Variants in SRPK2 observed in about 807,000 individuals in gnomAD.
SRPK2 encodes SRSF protein kinase 2, also known as SFRS protein kinase 2.
A neutral mutation model predicts 90.8 loss-of-function variants in SRPK2; 21 were observed. That is an observed-to-expected ratio of 0.23 (90% CI 0.16 to 0.33). SRPK2 has a LOEUF of 0.33. Among genes scored for constraint, SRPK2 ranks in the 10% least tolerant of loss-of-function variants. SRPK2 has a pLI of 1.00. For synonymous variants in SRPK2, 288 were observed against 311.1 expected (o/e 0.93, Z 0.78); for missense variants, 620 against 869.0 (o/e 0.71, Z 3.60).
chr7:105,229,631 A>C (rs577595002), intron 2 of SRPK2, among the ~76,000 whole-genome samples: 1 of 152,342 alleles, frequency 6.6e-6, no homozygotes, highest in African/African-American at 2.4e-5. Context: ...CAGGAATAAA[A>C]TTCTAGAGTC....
intron 2 of SRPK2, among the ~76,000 whole-genome samples, chr7:105,232,558 T>C (rs2129620057): frequency 6.6e-6 from 1 of 151,028 alleles, no homozygotes; most frequent in Non-Finnish European, 1.5e-5. Context: ...TAGGATATTA[T>C]CATTATTCAA....
chr7:105,121,646 A>G (rs1800401494), intron 15 of SRPK2, among the ~76,000 whole-genome samples: 1 of 152,176 alleles, frequency 6.6e-6, no homozygotes, highest in African/African-American at 2.4e-5. Flanking sequence ...TTGCTCTGAG[A>G]AACAGCTTGA....
intron 2 of SRPK2, among the ~76,000 whole-genome samples, chr7:105,309,387 A>C (rs1188829229): frequency 6.6e-6 from 1 of 152,232 alleles, no homozygotes; most frequent in Non-Finnish European, 1.5e-5. Context: ...TTCATCATTA[A>C]AGTATCCTAG....
At chr7:105,270,210 C>T (rs1805640967) in intron 2 of SRPK2, among the ~76,000 whole-genome samples, 1 of 152,104 alleles carries the variant, frequency 6.6e-6, no homozygotes, top group South Asian at 2.1e-4. Flanking sequence ...GCAGAATCTA[C>T]CACAGGGTGT....
At chr7:105,293,684 G>A (rs565761598) in intron 2 of SRPK2, among the ~76,000 whole-genome samples, 2 of 152,072 alleles carry the variant, frequency 1.3e-5, no homozygotes, top group South Asian at 4.2e-4. Flanking sequence ...CCTCCCAAAG[G>A]GTTGGGATTA....
Position 105,233,827 on chromosome 7 carries a change from C to T in SRPK2, c.72-30042G>A, listed in dbSNP as rs375141107. ...GTGAGCCAATGCACTCCAGCAGCCT[C>T]GGCGACACAGCAAGACTCCGTCTCA... On this transcript the variant is annotated intron_variant, in intron 2 of 15. Transcript: ENST00000393651. Among the ~76,000 whole-genome samples the T allele has an allele frequency of 5.2e-4, 79 of 151,758 alleles. No individual in the cohort carries two copies. The East Asian group carries it at 0.01, about 20-fold the overall frequency.
At chr7:105,279,216 G>A (rs1806939638) in intron 2 of SRPK2, among the ~76,000 whole-genome samples, 1 of 152,062 alleles carries the variant, frequency 6.6e-6, no homozygotes, top group Non-Finnish European at 1.5e-5. Context: ...GGCGGGGGGA[G>A]GAGGGAGCGG....
intron 2 of SRPK2, among the ~76,000 whole-genome samples, chr7:105,276,613 C>G (rs1470392040): frequency 2.0e-5 from 3 of 151,734 alleles, no homozygotes; most frequent in African/African-American, 7.3e-5. Context: ...GTGACATGCA[C>G]GTGTGGTTCA....
At chr7:105,327,276 T>A (rs749992785) in intron 2 of SRPK2, among the ~76,000 whole-genome samples, 1 of 152,226 alleles carries the variant, frequency 6.6e-6, no homozygotes, top group African/African-American at 2.4e-5. Flanking sequence ...TCTTAGTTAA[T>A]TCAAAGTTCT....
chr7:105,356,178 C>T (rs1018346915), intron 2 of SRPK2, among the ~76,000 whole-genome samples: 3 of 152,138 alleles, frequency 2.0e-5, no homozygotes, highest in Non-Finnish European at 4.4e-5. Flanking sequence ...TATTTCACAT[C>T]CTCTCCATTG....
At chr7:105,176,700 T>C (rs1319176891) in intron 3 of SRPK2, among the ~76,000 whole-genome samples, 1 of 41,566 alleles carries the variant, frequency 2.4e-5, no homozygotes, top group Non-Finnish European at 6.5e-5. Context: ...TACATATATA[T>C]GTATGTGTAT....
upstream of SRPK2, chr7:105,389,346 C>T: frequency 1.6e-6 from 2 of 1,277,654 alleles, no homozygotes; most frequent in Non-Finnish European, 2.0e-6. Context: ...TCTCCCTTTG[C>T]TCCTCTACAT....
chr7:105,149,428 T>G (rs1013812034), intron 7 of SRPK2, among the ~76,000 whole-genome samples: 1 of 152,204 alleles, frequency 6.6e-6, no homozygotes, highest in Non-Finnish European at 1.5e-5. Context: ...TTCTCCTTAT[T>G]ATCACCCTGC....
At chr7:105,367,676 A>G (rs1326199314) in intron 2 of SRPK2, among the ~76,000 whole-genome samples, 1 of 152,120 alleles carries the variant, frequency 6.6e-6, no homozygotes, top group Non-Finnish European at 1.5e-5. Context: ...AATTCCATGC[A>G]GTTATGATTT....
intron 2 of SRPK2, among the ~76,000 whole-genome samples, chr7:105,250,827 T>G (rs1329387453): frequency 1.3e-5 from 2 of 152,134 alleles, no homozygotes; most frequent in African/African-American, 4.8e-5. Context: ...ATGAACCGCT[T>G]AACTACTATG....
chr7:105,127,288 T>C (rs957629764), intron 13 of SRPK2, among the ~76,000 whole-genome samples: 1 of 152,250 alleles, frequency 6.6e-6, no homozygotes, highest in Non-Finnish European at 1.5e-5. Flanking sequence ...ATTCTCTTCA[T>C]TTTGCAGGAA....
At chr7:105,371,273 A>G (rs1236993132) in intron 2 of SRPK2, among the ~76,000 whole-genome samples, 1 of 151,794 alleles carries the variant, frequency 6.6e-6, no homozygotes, top group Non-Finnish European at 1.5e-5. Context: ...GCATGGTGGC[A>G]TGTGCCTGTA....
At chr7:105,254,415 A>T (rs776452855) in intron 2 of SRPK2, among the ~76,000 whole-genome samples, 9 of 152,256 alleles carry the variant, frequency 5.9e-5, no homozygotes, top group Admixed American at 2.6e-4. Flanking sequence ...ACACTCCTTT[A>T]TAAAGAGCCT....
chr7:105,333,748 A>G (rs1016477939), intron 2 of SRPK2, among the ~76,000 whole-genome samples: 11 of 152,218 alleles, frequency 7.2e-5, no homozygotes, highest in Non-Finnish European at 1.6e-4. Flanking sequence ...AAATGTTTAT[A>G]AACAGTATCA....
Sources: gnomAD v4.1 joint callset for allele counts (sites outside exome capture counted in the v4.1 genomes callset) on GRCh38, gnomAD v4.1.1 for gene constraint, MANE v1.5 for transcripts, NCBI Gene and HGNC (gene_info 2026-07-23, HGNC 2026-07-21) for gene names.